The following CCDC178 variants were observed in gnomAD, a reference collection of about 807,000 sequenced individuals.
CCDC178 encodes the protein coiled-coil domain-containing protein 178.
Under a neutral mutation model 117.4 loss-of-function variants are expected in CCDC178, and 126 were observed. The ratio of observed to expected loss-of-function variants is 1.07; its 90% confidence interval spans 0.93 to 1.24. The LOEUF is 1.24. Ranked by LOEUF, CCDC178 falls within the 50% of genes most tolerant of loss-of-function variation. The pLI is 0.00. For missense variants in CCDC178, 1,030 were observed against 986.9 expected (o/e 1.04, Z -0.59); for synonymous variants, 283 against 313.4 (o/e 0.90, Z 1.02).
In CCDC178 at chr18:33,194,770, AAC is replaced by A. The variant is rs529721480; in HGVS notation, c.2238+17124_2238+17125del. ...GATATTTGGCTACATGCAAATGAAA[AAC>A]ACAATTTCAGGCTTGGCATGGTGGC... On this transcript the variant is annotated intron_variant, in intron 20 of 22. Transcript: ENST00000383096. 1.6e-4 allele frequency among the ~76,000 whole-genome samples: 25 copies of A among 152,112 alleles called. 1 individual carries two copies. In the South Asian group the frequency reaches 5.0e-3, roughly 30 times the overall value.
Position 32,937,943 on chromosome 18 carries a change from A to C in CCDC178, c.*68T>G, listed in dbSNP as rs1568166318. 1.6e-6 allele frequency: 2 copies of C among 1,221,378 alleles called. No individual in the cohort carries two copies. The highest frequency in any genetic ancestry group is 2.4e-6 in the Non-Finnish European group (2 of 827,346). The allele number at this position is 1,221,378 out of a possible 1,614,324, so 75.7% of individuals were successfully genotyped here. A position where few individuals can be genotyped will look rare whatever the true frequency, so the allele number is the denominator to read the frequency against. On this transcript the variant is annotated 3_prime_UTR_variant, in exon 23 of 23. Coordinates refer to ENST00000383096, the MANE Select transcript of CCDC178 (RefSeq NM_001105528.4). ...GGCAAACAGGTGAATGTCCAATTAC[A>C]CTGTTATCTGAACTGTGTGACTTTT...
Position 32,938,018 on chromosome 18 carries a change from T to A in CCDC178, c.2597A>T (p.Asp866Val). The A allele has an allele frequency of 6.2e-7, 1 of 1,612,370 alleles. No homozygotes were observed. Among genetic ancestry groups the A allele is most frequent in the Non-Finnish European group, 8.5e-7 (1 of 1,178,454 alleles). The change falls in exon 23 of 23, where the codon GAT (aspartate) becomes GTT (valine). Residue 866 changes from aspartate to valine, a missense_variant. Asp to Val is a radical substitution (Grantham distance 152). Coordinates refer to ENST00000383096, the MANE Select transcript of CCDC178 (RefSeq NM_001105528.4). The stretch of plus-strand genomic sequence containing the variant: ...GATACATTGGTTGTTTGCTTAACCA[T>A]CGTTTTCGCATGTGCCATCTGTCAA... ...QTLTDGTCEN[D>V]G
chr18:33,420,982 T>A (rs1431077685), intron 2 of CCDC178, among the ~76,000 whole-genome samples: 4 of 152,086 alleles, frequency 2.6e-5, no homozygotes, highest in African/African-American at 4.8e-5. Context: ...TATCATAACA[T>A]GTGGAATACA....
rs891935096 is a variant in CCDC178 at position 33,103,182 on chromosome 18, G to C, written c.2239-10272C>G. Among the ~76,000 whole-genome samples the C allele has an allele frequency of 2.0e-5, 3 of 151,716 alleles. 1 individual carries two copies. Among genetic ancestry groups the C allele is most frequent in the Admixed American group, 2.0e-4 (3 of 15,182 alleles). On this transcript the variant is annotated intron_variant, in intron 20 of 22. Coordinates refer to ENST00000383096, the MANE Select transcript of CCDC178 (RefSeq NM_001105528.4). ...CTGAGAATCATGGTGGGAGGCAAAAGGCAGTTTTTGCATAGTGACAGCAAG... is the reference window on the plus strand; with the variant it reads ...CTGAGAATCATGGTGGGAGGCAAAACGCAGTTTTTGCATAGTGACAGCAAG...
intron 2 of CCDC178, among the ~76,000 whole-genome samples, chr18:33,423,817 C>G (rs907148937): frequency 1.3e-5 from 2 of 152,128 alleles, no homozygotes; most frequent in African/African-American, 4.8e-5. Context: ...GAGTTAGCAA[C>G]TAGACAACTT....
At chr18:33,096,603 C>T (rs1476102011) in intron 20 of CCDC178, among the ~76,000 whole-genome samples, 1 of 151,690 alleles carries the variant, frequency 6.6e-6, no homozygotes, top group Admixed American at 6.6e-5. Context: ...ATTAACAACC[C>T]TCCTCTCCCT....
intron 21 of CCDC178, among the ~76,000 whole-genome samples, chr18:33,012,773 T>A (rs908746016): frequency 2.6e-5 from 4 of 152,166 alleles, no homozygotes; most frequent in Admixed American, 6.5e-5. Flanking sequence ...ATGATACAAT[T>A]TCCCCATAAT....
chr18:32,992,092 C>G lies in CCDC178; in HGVS notation c.2389-17411G>C, dbSNP rs936413819. ...ATAAATGAAAGTGTAATAGTTGAAC[C>G]AATTTTATTATATTTTCTGTCATGT... On this transcript the variant is annotated intron_variant, in intron 21 of 22. Coordinates refer to ENST00000383096, the MANE Select transcript of CCDC178 (RefSeq NM_001105528.4). 4.6e-5 allele frequency among the ~76,000 whole-genome samples: 7 copies of G among 152,202 alleles called. No individual in the cohort carries two copies. The South Asian group carries it at 8.3e-4, about 18-fold the overall frequency.
chr18:33,090,952 T>C (rs980217584), intron 21 of CCDC178, among the ~76,000 whole-genome samples: 1 of 152,190 alleles, frequency 6.6e-6, no homozygotes, highest in Admixed American at 6.5e-5. Flanking sequence ...AATGTGATGT[T>C]AGGGCTTTCT....
At chr18:33,379,130 ATATATTT>A (rs1203614361) in intron 5 of CCDC178, among the ~76,000 whole-genome samples, 3 of 135,804 alleles carry the variant, frequency 2.2e-5, no homozygotes, top group Admixed American at 1.5e-4. Context: ...TATATAATAT[ATATATTT>A]CCATATATAT....
chr18:33,266,697 C>T (rs1319187982), intron 14 of CCDC178, among the ~76,000 whole-genome samples: 2 of 151,028 alleles, frequency 1.3e-5, no homozygotes, highest in African/African-American at 2.4e-5. Context: ...TGCTAAATGA[C>T]GAGTTAATGG....
intron 16 of CCDC178, among the ~76,000 whole-genome samples, chr18:33,226,578 C>T (rs529264858): frequency 4.6e-5 from 7 of 152,212 alleles, no homozygotes; most frequent in Non-Finnish European, 1.0e-4. Flanking sequence ...CCCATTATGC[C>T]ACAAAATGAG....
chr18:32,991,028 TTTA>T lies in CCDC178; in HGVS notation c.2389-16350_2389-16348del, dbSNP rs781145066. ...TAAAAATTATTATAATAATTTTATA[TTTA>T]TTATTATTTAATGAGCATTTGCTAT... On this transcript the variant is annotated intron_variant, in intron 21 of 22. Coordinates refer to ENST00000383096, the MANE Select transcript of CCDC178 (RefSeq NM_001105528.4). 7.9e-5 allele frequency among the ~76,000 whole-genome samples: 12 copies of T among 151,406 alleles called. No homozygotes were observed. In the South Asian group the frequency reaches 1.9e-3, roughly 24 times the overall value.
chr18:33,071,587 A>G (rs1253550399), intron 21 of CCDC178, among the ~76,000 whole-genome samples: 3 of 152,104 alleles, frequency 2.0e-5, no homozygotes, highest in African/African-American at 7.2e-5. Flanking sequence ...TACAGAGACA[A>G]GAAAAAATGG....
intron 21 of CCDC178, among the ~76,000 whole-genome samples, chr18:33,046,475 C>T (rs951949160): frequency 6.6e-6 from 1 of 151,628 alleles, no homozygotes; most frequent in Non-Finnish European, 1.5e-5. Context: ...ATAAGTACAG[C>T]ATATACCTGT....
chr18:33,433,690 G>A (rs1033514694), intron 2 of CCDC178, among the ~76,000 whole-genome samples: 1 of 152,112 alleles, frequency 6.6e-6, no homozygotes, highest in Non-Finnish European at 1.5e-5. Flanking sequence ...TTGAGAAAAT[G>A]TAATAAAACG....
At chr18:32,978,888 T>C (rs1195225372) in intron 21 of CCDC178, among the ~76,000 whole-genome samples, 2 of 151,846 alleles carry the variant, frequency 1.3e-5, no homozygotes, top group African/African-American at 4.8e-5. Flanking sequence ...AATACAAAAA[T>C]TAGCCAGGCG....
chr18:33,108,243 T>A (rs1304632854), intron 20 of CCDC178, among the ~76,000 whole-genome samples: 1 of 151,736 alleles, frequency 6.6e-6, no homozygotes, highest in Non-Finnish European at 1.5e-5. Context: ...CATTATTGCT[T>A]ATTTTACTGT....
At position 32,986,770 on chromosome 18, in the gene CCDC178, C is replaced by T. The variant is rs1008216396; in HGVS notation, c.2389-12089G>A. 9.6e-4 allele frequency among the ~76,000 whole-genome samples: 145 copies of T among 151,726 alleles called. 1 individual carries two copies. The highest frequency in any genetic ancestry group is 3.5e-3 in the African/African-American group (145 of 41,416). On this transcript the variant is annotated intron_variant, in intron 21 of 22. Coordinates refer to ENST00000383096, the MANE Select transcript of CCDC178 (RefSeq NM_001105528.4). The stretch of plus-strand genomic sequence containing the variant: ...AGCAATGCTAATAAAATTATAATAC[C>T]TAATTAAAGAGTATAAAAGAATCAT...
Sources: allele counts gnomAD v4.1 joint callset (sites outside exome capture counted in the v4.1 genomes callset), GRCh38; gene constraint gnomAD v4.1.1; transcripts MANE v1.5; gene names NCBI Gene and HGNC (gene_info 2026-07-23, HGNC 2026-07-21).